SETX: variants seen among roughly 807,000 people sequenced by gnomAD.
SETX encodes the protein senataxin.
Under a neutral mutation model 227.2 loss-of-function variants are expected in SETX, and 90 were observed. The observed-to-expected ratio is 0.40, with a 90% CI of 0.33 to 0.47. SETX has a LOEUF of 0.47. SETX is among the 20% of genes least tolerant of loss of function. SETX has a pLI of 0.91. For synonymous variants in SETX, 1,210 were observed against 1,113.2 expected (o/e 1.09, Z -1.73); for missense variants, 3,052 against 3,181.5 (o/e 0.96, Z 0.98).
chr9:132,330,131 G>C lies in SETX; in HGVS notation c.1467C>G (p.Val489=), dbSNP rs142093830. Residue 489 remains valine, a synonymous_variant, in exon 10 of 26, where the codon GTC becomes GTG. Transcript: ENST00000224140. ...TGGTAGGAAGCTTGGCACATTTGACGACGGCTTCCACCCATTGCTGGGAAC... is the reference window on the plus strand; with the variant it reads ...TGGTAGGAAGCTTGGCACATTTGACCACGGCTTCCACCCATTGCTGGGAAC... ...WVSSQQWVEA[V]VKCAKLPTTA... 6.2e-7 allele frequency: 1 copy of C among 1,612,544 alleles called. No individual in the cohort carries two copies. Among genetic ancestry groups the C allele is most frequent in the Non-Finnish European group, 8.5e-7 (1 of 1,178,816 alleles).
intron 5 of SETX, among the ~76,000 whole-genome samples, chr9:132,339,084 T>C (rs1161738950): frequency 6.6e-6 from 1 of 152,188 alleles, no homozygotes; most frequent in Non-Finnish European, 1.5e-5. Context: ...TTTTAACTAG[T>C]ATTTTCACTC....
At position 132,329,710 on chromosome 9, in the gene SETX, T is replaced by C; in HGVS notation, c.1888A>G (p.Thr630Ala). ...AAACAATGCATATCTTTTCTAGACG[T>C]CTTCCCCATTTGTTCACTTTCTTCT... ...NKEESEQMGK[T>A]SRKDMHCLEA... The change falls in exon 10 of 26, where the codon ACG becomes GCG. Residue 630 changes from threonine (T) to alanine (A), a missense_variant. Transcript: ENST00000224140. 1 of 1,614,156 alleles carries C rather than the reference T, an allele frequency of 6.2e-7. No individual in the cohort carries two copies. Among genetic ancestry groups the C allele is most frequent in the South Asian group, 1.1e-5 (1 of 91,072 alleles).
intron 5 of SETX, among the ~76,000 whole-genome samples, chr9:132,341,730 G>A (rs1238776709): frequency 1.3e-5 from 2 of 152,000 alleles, no homozygotes; most frequent in African/African-American, 4.8e-5. Context: ...ACCCCCATCC[G>A]CCCCTTGTTT....
chr9:132,262,036 T>C lies in SETX; in HGVS notation c.*2203A>G, dbSNP rs961739702. ...GGAACGAGTGAAGTTTCAAAAGTAATGTGAGGTACAACTGCATTCCGCTGT... is the reference window on the plus strand; with the variant it reads ...GGAACGAGTGAAGTTTCAAAAGTAACGTGAGGTACAACTGCATTCCGCTGT... On this transcript the variant is annotated 3_prime_UTR_variant, in exon 26 of 26. Transcript: ENST00000224140. 1 of 153,466 alleles carries C rather than the reference T, an allele frequency of 6.5e-6. No homozygotes were observed. The highest frequency in any genetic ancestry group is 2.4e-5 in the African/African-American group (1 of 41,476). The allele number at this position is 153,466 out of a possible 1,614,324, so 9.5% of individuals were successfully genotyped here.
Position 132,327,593 on chromosome 9 carries a change from A to G in SETX, c.4005T>C (p.Ser1335=). 1.9e-6 allele frequency: 3 copies of G among 1,614,170 alleles called. No individual in the cohort carries two copies. Among genetic ancestry groups the G allele is most frequent in the South Asian group, 1.1e-5 (1 of 91,080 alleles). ...TCAGAAGTTTCTTATTATTTCTGACAGACAGGTTCTGAGGAGAAATTAATT... is the reference window on the plus strand; with the variant it reads ...TCAGAAGTTTCTTATTATTTCTGACGGACAGGTTCTGAGGAGAAATTAATT... ...KTKLISPQNL[S]VRNNKKLLTS... The change falls in exon 10 of 26, where the codon TCT becomes TCC. Residue 1335 remains serine (S), a synonymous_variant. Coordinates refer to ENST00000224140, the MANE Select transcript of SETX (RefSeq NM_015046.7).
Position 132,288,341 on chromosome 9 carries a change from T to C in SETX, c.6219A>G (p.Leu2073=). 2 of 1,611,498 alleles carry C rather than the reference T, an allele frequency of 1.2e-6. No individual in the cohort carries two copies. Among genetic ancestry groups the C allele is most frequent in the Non-Finnish European group, 1.7e-6 (2 of 1,177,810 alleles). The change falls in exon 17 of 26, where the codon TTA becomes TTG. Residue 2073 remains leucine (L), a synonymous_variant. Coordinates refer to ENST00000224140, the MANE Select transcript of SETX (RefSeq NM_015046.7). ...TATGCATCGCCTGAACATGAGAAGG[T>C]AACTCTTTTTCTAATAAAAATAACA... ...SQVNHRMKKE[L]PSHVQAMHKR...
At chr9:132,325,057 G>A (rs1345645243) in intron 10 of SETX, among the ~76,000 whole-genome samples, 1 of 152,210 alleles carries the variant, frequency 6.6e-6, no homozygotes, top group Non-Finnish European at 1.5e-5. Context: ...CAGCTGCTGT[G>A]ATGAGTAAGA....
chr9:132,277,231 T>C (rs1390840129), intron 21 of SETX, 79 bp from the exon 22 acceptor site: 9 of 1,332,092 alleles, frequency 6.8e-6, no homozygotes, highest in Non-Finnish European at 9.5e-6. Context: ...TACAATTTTT[T>C]CTGTGTGGTG....
intron 9 of SETX, 36 bp downstream of exon 9, chr9:132,331,016 A>G (rs372836509): frequency 6.8e-7 from 1 of 1,476,948 alleles, no homozygotes; most frequent in African/African-American, 1.4e-5. Context: ...TATAAAGGCA[A>G]TAAAATAGCA....
At chr9:132,275,107 T>C (rs2131166105) in intron 23 of SETX, 149 bp downstream of exon 23, 2 of 799,578 alleles carry the variant, frequency 2.5e-6, no homozygotes, top group East Asian at 2.6e-5. Context: ...AGCACAAGTC[T>C]ATGAAAGCCA....
chr9:132,323,971 G>C (rs1328125323), intron 10 of SETX, among the ~76,000 whole-genome samples: 1 of 152,028 alleles, frequency 6.6e-6, no homozygotes, highest in East Asian at 1.9e-4. Context: ...ATAGAAAATA[G>C]TTACTTGAGG....
chr9:132,329,850 T>A lies in SETX; in HGVS notation c.1748A>T (p.Glu583Val), dbSNP rs746301752. 1 of 1,614,186 alleles carries A rather than the reference T, an allele frequency of 6.2e-7. No individual in the cohort carries two copies. The highest frequency in any genetic ancestry group is 1.7e-5 in the Admixed American group (1 of 60,030). Residue 583 changes from glutamate to valine, a missense_variant, in exon 10 of 26, where the codon GAG becomes GTG. Transcript: ENST00000224140. Reference protein sequence around the residue: ...GWQLTSQETHELQSCLKQIIR... With the variant: ...GWQLTSQETHVLQSCLKQIIR... ...AATTTGCTTTAAGCAACTTTGTAGC[T>A]CATGGGTTTCCTGACTAGTCAACTG...
chr9:132,302,799 A>G (rs900607435), intron 11 of SETX, among the ~76,000 whole-genome samples: 1 of 151,998 alleles, frequency 6.6e-6, no homozygotes, highest in African/African-American at 2.4e-5. Context: ...TGACTATCCA[A>G]TTTCAGTATT....
At chr9:132,273,623 T>C (rs2131158251) in intron 23 of SETX, among the ~76,000 whole-genome samples, 1 of 152,368 alleles carries the variant, frequency 6.6e-6, no homozygotes, top group Non-Finnish European at 1.5e-5. Context: ...CATTGCTAGT[T>C]GCATCAAAAT....
In SETX at chr9:132,298,191, C is replaced by T; in HGVS notation, c.5670G>A (p.Leu1890=). Residue 1890 remains leucine, a synonymous_variant, in exon 13 of 26, where the codon TTG becomes TTA. Transcript: ENST00000224140. ...GACTACCCAACAGAGACATGGCTTTCAACTTCCTTTGTGTAGTTACCAGAG... is the reference window on the plus strand; with the variant it reads ...GACTACCCAACAGAGACATGGCTTTTAACTTCCTTTGTGTAGTTACCAGAG... ...ISSLVTTQRK[L]KAMSLLGSRN... 6.2e-7 allele frequency: 1 copy of T among 1,614,088 alleles called. No individual in the cohort carries two copies. The highest frequency in any genetic ancestry group is 2.2e-5 in the East Asian group (1 of 44,874).
chr9:132,330,491 T>C lies in SETX; in HGVS notation c.1107A>G (p.Gly369=), dbSNP rs889537831. 9 of 1,612,366 alleles carry C rather than the reference T, an allele frequency of 5.6e-6. No homozygotes were observed. The highest frequency in any genetic ancestry group is 7.6e-6 in the Non-Finnish European group (9 of 1,179,874). Residue 369 remains glycine (G), a synonymous_variant, in exon 10 of 26, where the codon GGA becomes GGG. Transcript: ENST00000224140. ...AATCTGGGCAAATGGCTGTTCTCCA[T>C]CCAGAATCCTAAAATGAAAGAAATG... ...YNPEKTKKDS[G]WRTAICPDYC...
intron 10 of SETX, among the ~76,000 whole-genome samples, chr9:132,320,593 C>CAAAAAAAAAAAAAAAAAAAAAAACAAAA: frequency 1.6e-5 from 1 of 61,068 alleles, no homozygotes; most frequent in Non-Finnish European, 2.9e-5. Flanking sequence ...GACTCCAACT[C>CAAAAAAAAAAAAAAAAAAAAAAACAAAA]AAAAAAAAAA....
intron 15 of SETX, among the ~76,000 whole-genome samples, chr9:132,291,725 GTC>G (rs1409078624): frequency 1.3e-5 from 2 of 152,130 alleles, no homozygotes; most frequent in Admixed American, 6.5e-5. Flanking sequence ...GTGCCTGGGT[GTC>G]TGTTTTGTTC....
rs144880539 is a variant in SETX, at chr9:132,305,353, C to CAAAAA, written c.5375-4555_5375-4551dup. Among the ~76,000 whole-genome samples the CAAAAA allele has an allele frequency of 4.2e-3, 291 of 70,076 alleles. 12 individuals are homozygous for CAAAAA. Among genetic ancestry groups the CAAAAA allele is most frequent in the African/African-American group, 0.015 (275 of 18,874 alleles). 46.0% of individuals were successfully genotyped at this position (70,076 alleles called of 152,430 possible). On this transcript the variant is annotated intron_variant, in intron 11 of 25. Transcript: ENST00000224140. Reference sequence around the variant, plus strand: ...TGGGTGACAGAGCAAGACTCCGTCTCAAAAAAAAAAAAAAAAAACTATTTC... The same window carrying CAAAAA: ...TGGGTGACAGAGCAAGACTCCGTCTCAAAAAAAAAAAAAAAAAAAAAAACTATTTC...
Sources: allele counts gnomAD v4.1 joint callset (sites outside exome capture counted in the v4.1 genomes callset), GRCh38; gene constraint gnomAD v4.1.1; transcripts MANE v1.5; gene names NCBI Gene and HGNC (gene_info 2026-07-23, HGNC 2026-07-21).